The following PRR5L variants were observed in gnomAD, a reference collection of about 807,000 sequenced individuals.
The protein encoded by PRR5L is proline rich 5 like.
A neutral mutation model predicts 36.4 loss-of-function variants in PRR5L; 21 were observed. That is an observed-to-expected ratio of 0.58 (90% CI 0.41 to 0.83). The LOEUF is 0.83. Ranked by LOEUF, PRR5L falls within the 40% of genes least tolerant of loss-of-function variation. The probability of loss-of-function intolerance (pLI) is 0.00; values close to 1 mark genes in which losing one functional copy is unlikely to be tolerated. For synonymous variants in PRR5L, 188 were observed against 197.0 expected, an observed-to-expected ratio of 0.95 and a Z score of 0.38; for missense variants, 381 against 473.3, an observed-to-expected ratio of 0.80 and a Z score of 1.81.
At chr11:36,432,153 GTT>G (rs201741066) in intron 5 of PRR5L, among the ~76,000 whole-genome samples, 1 of 7,800 alleles carries the variant, frequency 1.3e-4, no homozygotes, top group African/African-American at 1.9e-4. Context: ...CTTGTTCAGG[GTT>G]TTTTTTTGTT....
chr11:36,431,464 T>TAAA (rs398115272), intron 4 of PRR5L, among the ~76,000 whole-genome samples: 1 of 147,736 alleles, frequency 6.8e-6, no homozygotes, highest in African/African-American at 2.4e-5. Context: ...TCTTTTTTTT[T>TAAA]AAAAAAAAAT....
intron 1 of PRR5L, among the ~76,000 whole-genome samples, chr11:36,332,540 C>T (rs1856729615): frequency 6.6e-6 from 1 of 152,194 alleles, no homozygotes; most frequent in Non-Finnish European, 1.5e-5. Context: ...CTAAATGTCT[C>T]ACCAATCCAT....
intron 1 of PRR5L, among the ~76,000 whole-genome samples, chr11:36,312,992 A>C (rs763629422): frequency 1.3e-5 from 2 of 152,198 alleles, no homozygotes; most frequent in Non-Finnish European, 2.9e-5. Flanking sequence ...GAGCCGCTTT[A>C]CTGACAGATG....
At chr11:36,397,696 A>T (rs1188160758) in intron 1 of PRR5L, among the ~76,000 whole-genome samples, 2 of 151,724 alleles carry the variant, frequency 1.3e-5, no homozygotes, top group African/African-American at 4.8e-5. Context: ...ACCTCAGGTG[A>T]TCCGCCTGCC....
chr11:36,309,306 C>T (rs1293334919), intron 1 of PRR5L, among the ~76,000 whole-genome samples: 1 of 152,142 alleles, frequency 6.6e-6, no homozygotes, highest in African/African-American at 2.4e-5. Context: ...CATCAATACG[C>T]AAATGTAGAA....
chr11:36,313,241 G>C (rs1007682945), intron 1 of PRR5L, among the ~76,000 whole-genome samples: 1 of 152,136 alleles, frequency 6.6e-6, no homozygotes, highest in Non-Finnish European at 1.5e-5. Flanking sequence ...TTACACCTTG[G>C]TCAAGAAATG....
chr11:36,432,321 T>C (rs913443866), intron 5 of PRR5L, among the ~76,000 whole-genome samples: 1 of 152,090 alleles, frequency 6.6e-6, no homozygotes, highest in Non-Finnish European at 1.5e-5. Flanking sequence ...TGGGGAGTCA[T>C]AGAAGAGAGG....
chr11:36,325,754 C>G (rs757271180), intron 1 of PRR5L, among the ~76,000 whole-genome samples: 2 of 152,152 alleles, frequency 1.3e-5, no homozygotes, highest in Non-Finnish European at 2.9e-5. Flanking sequence ...ACTCCTGTCT[C>G]TCGATGATGT....
intron 4 of PRR5L, among the ~76,000 whole-genome samples, chr11:36,426,294 TCTTCTAATCTTTGTTAGAACA>T (rs546393213): frequency 0.025 from 3,815 of 152,332 alleles, 76 homozygotes; most frequent in Non-Finnish European, 0.037. Flanking sequence ...ACTAATCTAA[TCTTCTAATCTTTGTTAGAACA>T]CTTCTAATCT....
Position 36,401,262 on chromosome 11 carries a change from G to C in PRR5L, c.141G>C (p.Leu47=). Residue 47 remains leucine (L), a synonymous_variant, in exon 2 of 9, where the codon CTG becomes CTC. Transcript: ENST00000530639. ...RFQAARQALQ[L]SSSSAWNSVQ... ...AAGCAGCTCGGCAGGCTCTGCAGCT[G>C]AGCTCCAGCTCAGCCTGGAACAGGT... The C allele has an allele frequency of 6.2e-7, 1 of 1,612,526 alleles. No individual in the cohort carries two copies. The highest frequency in any genetic ancestry group is 8.5e-7 in the Non-Finnish European group (1 of 1,179,984).
intron 1 of PRR5L, among the ~76,000 whole-genome samples, chr11:36,348,773 T>C (rs754320121): frequency 5.9e-5 from 9 of 152,186 alleles, no homozygotes; most frequent in Non-Finnish European, 1.0e-4. Flanking sequence ...ATAATCAATA[T>C]TGAATGACAT....
intron 1 of PRR5L, among the ~76,000 whole-genome samples, chr11:36,316,076 AAGTGTATT>A (rs1318939938): frequency 6.6e-6 from 1 of 152,206 alleles, no homozygotes; most frequent in African/African-American, 2.4e-5. Flanking sequence ...GACTGAGGGG[AAGTGTATT>A]AGTCTAGGAC....
chr11:36,422,975 A>G (rs1453966546), intron 4 of PRR5L, among the ~76,000 whole-genome samples: 1 of 152,212 alleles, frequency 6.6e-6, no homozygotes, highest in Non-Finnish European at 1.5e-5. Context: ...CTCATTAGGT[A>G]TCTTGGTGGT....
At chr11:36,411,840 C>G (rs752896912) in intron 3 of PRR5L, among the ~76,000 whole-genome samples, 19 of 152,254 alleles carry the variant, frequency 1.2e-4, no homozygotes, top group Non-Finnish European at 2.6e-4. Context: ...CTCCTGGGTC[C>G]TCAATCCCAG....
At position 36,350,946 on chromosome 11, in the gene PRR5L, A is replaced by T. The variant is rs868409455; in HGVS notation, c.-125-50051A>T. On this transcript the variant is annotated intron_variant, in intron 1 of 8. Transcript: ENST00000530639. ...TATATATATTTATATATTTATATATATATATTTATATATATTTATATATTT... is the reference window on the plus strand; with the variant it reads ...TATATATATTTATATATTTATATATTTATATTTATATATATTTATATATTT... 1.9e-3 allele frequency among the ~76,000 whole-genome samples: 7 copies of T among 3,680 alleles called. 2 individuals carry two copies. The highest frequency in any genetic ancestry group is 3.0e-3 in the African/African-American group (3 of 1,004). 2.4% of individuals were successfully genotyped at this position (3,680 alleles called of 152,430 possible). A position where few individuals can be genotyped will look rare whatever the true frequency, so the allele number is the denominator to read the frequency against.
At chr11:36,415,573 AT>A (rs1858123811) in intron 3 of PRR5L, among the ~76,000 whole-genome samples, 1 of 152,188 alleles carries the variant, frequency 6.6e-6, no homozygotes, top group Admixed American at 6.5e-5. Flanking sequence ...GTGAAACCCT[AT>A]CTCTACCAAA....
chr11:36,376,826 G>C (rs1857271762), intron 1 of PRR5L: 1 of 749,902 alleles, frequency 1.3e-6, no homozygotes, highest in African/African-American at 1.9e-5. Context: ...GGGGGTAGGA[G>C]CTAGGGAAAA....
At position 36,314,712 on chromosome 11, in the gene PRR5L, A is replaced by G. The variant is rs142877705; in HGVS notation, c.-126+18274A>G. Among the ~76,000 whole-genome samples, 426 of 152,248 alleles carry G rather than the reference A, an allele frequency of 2.8e-3. 6 individuals are homozygous for G. The highest frequency in any genetic ancestry group is 9.6e-3 in the African/African-American group (399 of 41,534). ...ACTCCATCATACACATCGCAGCCCA[A>G]CGTCTTCAACTAGATTCATTGATGT... On this transcript the variant is annotated intron_variant, in intron 1 of 8. Transcript: ENST00000530639.
At chr11:36,462,213 G>T in intron 8 of PRR5L, 129 bp from the exon 9 acceptor site, 2 of 832,920 alleles carry the variant, frequency 2.4e-6, no homozygotes, top group South Asian at 5.5e-5. Context: ...CTTGCATTGT[G>T]GCAGGGCTGC....
Sources: gnomAD v4.1 joint callset for allele counts (sites outside exome capture counted in the v4.1 genomes callset) on GRCh38, gnomAD v4.1.1 for gene constraint, MANE v1.5 for transcripts, NCBI Gene and HGNC (gene_info 2026-07-23, HGNC 2026-07-21) for gene names.